The following KALRN variants were observed in gnomAD, a reference collection of about 807,000 sequenced individuals.
The protein encoded by KALRN is kalirin.
A neutral mutation model predicts 353.7 loss-of-function variants in KALRN; 70 were observed. The ratio of observed to expected loss-of-function variants is 0.20; its 90% CI spans 0.16 to 0.24. The LOEUF (loss-of-function observed/expected upper bound fraction) is 0.24, where lower values mean the gene tolerates loss of function less well. Among genes scored for constraint, KALRN ranks in the 10% least tolerant of loss-of-function variants. KALRN has a pLI of 1.00. For missense variants in KALRN, 2,791 were observed against 3,756.7 expected (o/e 0.74, Z 6.72); for synonymous variants, 1,391 against 1,434.8 (o/e 0.97, Z 0.69).
At chr3:124,562,137 C>T (rs2072121613) in intron 33 of KALRN, among the ~76,000 whole-genome samples, 1 of 152,218 alleles carries the variant, frequency 6.6e-6, no homozygotes, top group Non-Finnish European at 1.5e-5. Context: ...CTGATTCTTC[C>T]TCCTGGTCCC....
intron 34 of KALRN, among the ~76,000 whole-genome samples, chr3:124,608,166 G>A (rs760374245): frequency 2.6e-4 from 40 of 151,456 alleles, no homozygotes; most frequent in Non-Finnish European, 4.7e-4. Context: ...TGTCGTCACC[G>A]TGCCCGGCTA....
intron 6 of KALRN, among the ~76,000 whole-genome samples, chr3:124,318,455 G>A (rs1580891429): frequency 6.6e-6 from 1 of 152,302 alleles, no homozygotes; most frequent in East Asian, 1.9e-4. Context: ...GTGTCCATAT[G>A]TTTCGAGGTG....
intron 34 of KALRN, among the ~76,000 whole-genome samples, chr3:124,624,994 C>T (rs1167012297): frequency 6.6e-6 from 1 of 152,110 alleles, no homozygotes; most frequent in Non-Finnish European, 1.5e-5. Flanking sequence ...TGTAGAAGAA[C>T]ACACAGATAG....
chr3:124,661,045 A>G, intron 44 of KALRN, 72 bp downstream of exon 44: 1 of 1,231,568 alleles, frequency 8.1e-7, no homozygotes, highest in Non-Finnish European at 1.2e-6. Context: ...AGGGGAAAAG[A>G]TTGTCTCAGG....
intron 1 of KALRN, among the ~76,000 whole-genome samples, chr3:124,217,624 ATC>A (rs1247776385): frequency 6.6e-6 from 1 of 152,020 alleles, no homozygotes; most frequent in Non-Finnish European, 1.5e-5. Context: ...ATATCTTAAC[ATC>A]TCTTTCATCT....
chr3:124,251,510 C>T (rs2071170191), intron 3 of KALRN, among the ~76,000 whole-genome samples: 1 of 152,136 alleles, frequency 6.6e-6, no homozygotes, highest in Non-Finnish European at 1.5e-5. Flanking sequence ...GCTGGGACTA[C>T]AGGCATGCGC....
chr3:124,431,345 A>G (rs1439290101), intron 16 of KALRN, among the ~76,000 whole-genome samples: 2 of 152,254 alleles, frequency 1.3e-5, no homozygotes, highest in East Asian at 3.8e-4. Context: ...TTAAAGAATA[A>G]ACTGCAACCA....
intron 28 of KALRN, 38 bp downstream of exon 28, chr3:124,482,938 A>G (rs771472392): frequency 1.4e-6 from 2 of 1,381,732 alleles, no homozygotes; most frequent in South Asian, 2.3e-5. Flanking sequence ...TCCACTGCCT[A>G]CTGCCTGGGG....
chr3:124,168,824 G>A (rs1320690672), intron 1 of KALRN, among the ~76,000 whole-genome samples: 2 of 152,204 alleles, frequency 1.3e-5, no homozygotes, highest in African/African-American at 4.8e-5. Context: ...GACACTGGGA[G>A]TGATTTGGAA....
At chr3:124,175,267 T>C (rs2072503448) in intron 1 of KALRN, among the ~76,000 whole-genome samples, 1 of 152,218 alleles carries the variant, frequency 6.6e-6, no homozygotes, top group African/African-American at 2.4e-5. Context: ...TGCCTGGAGG[T>C]ACCAGGCACC....
chr3:124,557,813 C>T (rs2071456509), intron 33 of KALRN, among the ~76,000 whole-genome samples: 1 of 152,116 alleles, frequency 6.6e-6, no homozygotes, highest in Non-Finnish European at 1.5e-5. Flanking sequence ...AGTATCAGAT[C>T]CAAGTGCTCT....
chr3:124,223,538 G>T (rs1360310325), intron 1 of KALRN, among the ~76,000 whole-genome samples: 6 of 152,156 alleles, frequency 3.9e-5, no homozygotes. Context: ...ACATTAAAGG[G>T]GTGTGACTGA....
intron 1 of KALRN, among the ~76,000 whole-genome samples, chr3:124,108,000 C>T (rs1031949489): frequency 4.6e-5 from 7 of 152,182 alleles, no homozygotes; most frequent in African/African-American, 1.7e-4. Flanking sequence ...CTTCTCCGCC[C>T]CTCACTCTGT....
At chr3:124,256,268 C>T (rs2071963472) in intron 3 of KALRN, among the ~76,000 whole-genome samples, 1 of 152,172 alleles carries the variant, frequency 6.6e-6, no homozygotes, top group South Asian at 2.1e-4. Flanking sequence ...GGTGCTCAGC[C>T]CTGCTGTCTG....
chr3:124,629,757 T>G lies in KALRN; in HGVS notation c.5183-2663T>G, dbSNP rs903755340. On this transcript the variant is annotated intron_variant, in intron 34 of 59. Coordinates refer to ENST00000682506, the MANE Select transcript of KALRN (RefSeq NM_001388419.1). Reference sequence around the variant, plus strand: ...AATTAATCACATACAGCCTTGTGAATTTATCTTTATTTTGCATGCTTAATC... The same window carrying G: ...AATTAATCACATACAGCCTTGTGAAGTTATCTTTATTTTGCATGCTTAATC... Among the ~76,000 whole-genome samples, 70 of 152,080 alleles carry G rather than the reference T, an allele frequency of 4.6e-4. 2 individuals are homozygous for G. Among genetic ancestry groups the G allele is most frequent in the Non-Finnish European group, 1.2e-4 (8 of 67,990 alleles).
chr3:124,484,590 T>C (rs1156931253), intron 28 of KALRN, among the ~76,000 whole-genome samples: 1 of 152,200 alleles, frequency 6.6e-6, no homozygotes, highest in Non-Finnish European at 1.5e-5. Flanking sequence ...CATAATAAAT[T>C]CTTGTGAGAT....
chr3:124,319,441 A>G (rs1170629527), intron 6 of KALRN, among the ~76,000 whole-genome samples: 2 of 151,490 alleles, frequency 1.3e-5, no homozygotes, highest in Non-Finnish European at 2.9e-5. Flanking sequence ...TGATAAAAGT[A>G]GGAGGTTGAA....
At chr3:124,542,756 T>G (rs1408400668) in intron 33 of KALRN, among the ~76,000 whole-genome samples, 1 of 152,234 alleles carries the variant, frequency 6.6e-6, no homozygotes, top group African/African-American at 2.4e-5. Context: ...TTAATTGACT[T>G]CCTCAATGTC....
intron 25 of KALRN, among the ~76,000 whole-genome samples, chr3:124,464,760 T>C (rs973634765): frequency 8.6e-5 from 13 of 151,548 alleles, no homozygotes; most frequent in African/African-American, 2.7e-4. Flanking sequence ...CCACAGCTAT[T>C]TAGAAACAGC....
Sources: allele counts gnomAD v4.1 joint callset (sites outside exome capture counted in the v4.1 genomes callset), GRCh38; gene constraint gnomAD v4.1.1; transcripts MANE v1.5; gene names NCBI Gene and HGNC (gene_info 2026-07-23, HGNC 2026-07-21).